The following HK1 variants were observed in gnomAD, a reference collection of about 807,000 sequenced individuals.
HK1 encodes hexokinase 1, also known as hexokinase-1.
HK1 carries 28 observed loss-of-function variants against 91.6 expected under a neutral mutation model. The ratio of observed to expected loss-of-function variants is 0.31; its 90% CI spans 0.23 to 0.42. HK1 has a LOEUF of 0.42. Among genes scored for constraint, HK1 ranks in the 10% least tolerant of loss-of-function variants. The pLI is 1.00. For synonymous variants in HK1, 430 were observed against 468.1 expected (o/e 0.92, Z 1.05); for missense variants, 770 against 1,219.8 (o/e 0.63, Z 5.49).
intron 9 of HK1, among the ~76,000 whole-genome samples, chr10:69,382,286 G>A (rs1284307454): frequency 6.6e-6 from 1 of 152,248 alleles, no homozygotes; most frequent in East Asian, 1.9e-4. Flanking sequence ...AAGGTGGGAG[G>A]ATCACCTGAA....
intron 1 of HK1, among the ~76,000 whole-genome samples, chr10:69,330,853 T>C (rs1408733223): frequency 6.6e-6 from 1 of 152,006 alleles, no homozygotes; most frequent in Admixed American, 6.6e-5. Context: ...CATAGGGAAA[T>C]ATGCAGACTT....
chr10:69,364,920 T>G lies in HK1; in HGVS notation c.495+18T>G, dbSNP rs1849621008. 1 of 1,613,960 alleles carries G rather than the reference T, an allele frequency of 6.2e-7. No individual in the cohort carries two copies. The highest frequency in any genetic ancestry group is 1.1e-5 in the South Asian group (1 of 91,070). Reference sequence around the variant, plus strand: ...TAGATGAGGTAAGGATGTTCTGGGATTATCGGGCTCTGCAGATGCCCCGGG... The same window carrying G: ...TAGATGAGGTAAGGATGTTCTGGGAGTATCGGGCTCTGCAGATGCCCCGGG... On this transcript the variant is annotated intron_variant, in intron 4 of 17. Coordinates refer to ENST00000359426, the MANE Select transcript of HK1 (RefSeq NM_000188.3).
chr10:69,381,105 C>G (rs1294956622), intron 9 of HK1, among the ~76,000 whole-genome samples: 1 of 151,946 alleles, frequency 6.6e-6, no homozygotes, highest in Admixed American at 6.6e-5. Flanking sequence ...GAGTTCGAGA[C>G]CAGCCTGGGC....
intron 1 of HK1, among the ~76,000 whole-genome samples, chr10:69,326,311 C>T (rs1847373805): frequency 6.6e-6 from 1 of 152,046 alleles, no homozygotes; most frequent in South Asian, 2.1e-4. Context: ...TTTCAAAAGC[C>T]TCAGCGAGGT....
At chr10:69,280,181 G>A (rs953597702) in intron 1 of HK1, among the ~76,000 whole-genome samples, 4 of 151,850 alleles carry the variant, frequency 2.6e-5, no homozygotes, top group East Asian at 3.9e-4. Context: ...GAGAGATCTC[G>A]GCTCACTGTA....
At chr10:69,324,155 A>G (rs1847196084) in intron 1 of HK1, among the ~76,000 whole-genome samples, 1 of 151,822 alleles carries the variant, frequency 6.6e-6, no homozygotes, top group African/African-American at 2.4e-5. Context: ...TGATTTGAAA[A>G]CCCTGAAGAT....
chr10:69,348,134 C>T (rs79875908), intron 2 of HK1, among the ~76,000 whole-genome samples: 7,649 of 152,070 alleles, frequency 0.05, 214 homozygotes, highest in African/African-American at 0.083. Context: ...ATCGATACTT[C>T]TTGGTTTCGG....
upstream of HK1, among the ~76,000 whole-genome samples, chr10:69,314,946 G>A (rs1224932106): frequency 6.6e-6 from 1 of 152,112 alleles, no homozygotes; most frequent in East Asian, 1.9e-4. Flanking sequence ...GATTACAGGC[G>A]TGAGCCACTG....
chr10:69,308,097 C>T (rs1372176658), intron 5 of HK1, among the ~76,000 whole-genome samples: 2 of 152,168 alleles, frequency 1.3e-5, no homozygotes, highest in Non-Finnish European at 2.9e-5. Flanking sequence ...CCTCAGCCTC[C>T]CAAAGTGCTA....
intron 1 of HK1, among the ~76,000 whole-genome samples, chr10:69,321,564 C>G (rs530386407): frequency 6.6e-6 from 1 of 152,156 alleles, no homozygotes; most frequent in African/African-American, 2.4e-5. Context: ...TGGAGACAGA[C>G]CTGGCATCCC....
Position 69,386,309 on chromosome 10 carries a change from T to C in HK1, c.1840-14T>C, listed in dbSNP as rs748934529. ...TAATTACACAGGACTCTCCTGGTGC[T>C]TTTTATGTTGTAGGGAATCTTGATC... On this transcript the variant is annotated splice_polypyrimidine_tract_variant and intron_variant, in intron 12 of 17. Transcript: ENST00000359426. The C allele has an allele frequency of 1.2e-6, 2 of 1,610,534 alleles. No homozygotes were observed. The highest frequency in any genetic ancestry group is 1.7e-6 in the Non-Finnish European group (2 of 1,176,884).
At chr10:69,379,173 A>G (rs1471753970) in intron 8 of HK1, among the ~76,000 whole-genome samples, 2 of 152,098 alleles carry the variant, frequency 1.3e-5, no homozygotes, top group African/African-American at 2.4e-5. Context: ...AATCTGTCAA[A>G]AAAAGATGTC....
intron 14 of HK1, among the ~76,000 whole-genome samples, chr10:69,390,879 T>C (rs12414591): frequency 0.16 from 24,229 of 152,090 alleles, 2,216 homozygotes; most frequent in Non-Finnish European, 0.2. Flanking sequence ...TCTTCCTGGG[T>C]TAGTTGATTG....
intron 2 of HK1, among the ~76,000 whole-genome samples, chr10:69,284,087 GC>G (rs1410110382): frequency 1.3e-5 from 2 of 152,164 alleles, no homozygotes; most frequent in Admixed American, 1.3e-4. Flanking sequence ...CTTGTAAAAT[GC>G]CTCTCTTCCC....
chr10:69,319,049 G>T (rs764239218), intron 1 of HK1, 39 bp downstream of exon 1: 2 of 1,573,644 alleles, frequency 1.3e-6, no homozygotes, highest in Non-Finnish European at 1.7e-6. Flanking sequence ...CCTGGCCGCA[G>T]CCTTGCGTTC....
At chr10:69,379,730 TCATCCCA>T in intron 8 of HK1, 125 bp from the exon 9 acceptor site, 2 of 771,004 alleles carry the variant, frequency 2.6e-6, no homozygotes, top group South Asian at 2.8e-5. Context: ...TTGACAGTCT[TCATCCCA>T]TACCATCCCA....
intron 1 of HK1, among the ~76,000 whole-genome samples, chr10:69,331,119 A>T (rs1847693149): frequency 6.6e-6 from 1 of 151,944 alleles, no homozygotes; most frequent in Non-Finnish European, 1.5e-5. Flanking sequence ...GCCTCAAGTG[A>T]TCTGCCCGCC....
In HK1 at chr10:69,369,360, C is replaced by A; in HGVS notation, c.691+24C>A. The A allele has an allele frequency of 6.2e-7, 1 of 1,613,042 alleles. No individual in the cohort carries two copies. The highest frequency in any genetic ancestry group is 8.5e-7 in the Non-Finnish European group (1 of 1,178,958). The stretch of plus-strand genomic sequence containing the variant: ...CGGTAATGCATTCCCCTTTGCCCAT[C>A]CATTTGTTCGGCCCATCTTTCCAGG... On this transcript the variant is annotated intron_variant, in intron 6 of 17. Transcript: ENST00000359426. This position sits in a 1 kb window ranked among gnomAD's most constrained non-coding sequence, Gnocchi z 4.4.
chr10:69,304,190 T>C (rs1846000207), intron 5 of HK1, among the ~76,000 whole-genome samples: 3 of 152,192 alleles, frequency 2.0e-5, no homozygotes, highest in Non-Finnish European at 4.4e-5. Context: ...AATTTGTTAG[T>C]CCTTCAAAGG....
Sources: allele counts gnomAD v4.1 joint callset (sites outside exome capture counted in the v4.1 genomes callset), GRCh38; gene constraint gnomAD v4.1.1; non-coding constraint Gnocchi (gnomAD v3.1); transcripts MANE v1.5; gene names NCBI Gene and HGNC (gene_info 2026-07-23, HGNC 2026-07-21).